OPCML: variants seen among roughly 807,000 people sequenced by gnomAD.
The protein encoded by OPCML is opioid-binding protein/cell adhesion molecule.
In OPCML, 13 loss-of-function variants were observed where a neutral mutation model predicts 37.8. The observed-to-expected ratio is 0.34, with a 90% CI of 0.22 to 0.55. The LOEUF (loss-of-function observed/expected upper bound fraction) is 0.55, where lower values mean the gene tolerates loss of function less well. Ranked by LOEUF, OPCML falls within the 20% of genes least tolerant of loss-of-function variation. The pLI is 0.91. For synonymous variants in OPCML, 176 were observed against 168.8 expected, an observed-to-expected ratio of 1.04 and a Z score of -0.33; for missense variants, 341 against 435.6, an observed-to-expected ratio of 0.78 and a Z score of 1.93.
At chr11:133,479,429 C>A (rs1947326397) in intron 1 of OPCML, among the ~76,000 whole-genome samples, 1 of 152,160 alleles carries the variant, frequency 6.6e-6, no homozygotes, top group African/African-American at 2.4e-5. Flanking sequence ...ATGACCAGAA[C>A]AGATTAAAGG....
intron 1 of OPCML, among the ~76,000 whole-genome samples, chr11:133,326,273 G>T (rs971281449): frequency 8.4e-6 from 1 of 118,448 alleles, no homozygotes; most frequent in Non-Finnish European, 1.6e-5. Flanking sequence ...GTGTGTGTAT[G>T]TGTGTGGGGG....
intron 1 of OPCML, among the ~76,000 whole-genome samples, chr11:133,234,219 T>C (rs894498574): frequency 1.4e-5 from 2 of 142,080 alleles, no homozygotes; most frequent in African/African-American, 5.1e-5. Context: ...TTTTGTTTTC[T>C]AAAAAAAAAA....
intron 1 of OPCML, among the ~76,000 whole-genome samples, chr11:133,112,306 AAAAAGG>A (rs1949267976): frequency 1.4e-5 from 2 of 142,966 alleles, no homozygotes; most frequent in Admixed American, 1.4e-4. Flanking sequence ...AAAAAAAAAA[AAAAAGG>A]GGAAAGAAAC....
chr11:133,361,391 G>C (rs770045387), intron 1 of OPCML: 1 of 152,456 alleles, frequency 6.6e-6, no homozygotes, highest in African/African-American at 2.4e-5. Context: ...GCCCAACGTC[G>C]GGGTCACTGT....
intron 1 of OPCML, among the ~76,000 whole-genome samples, chr11:133,124,116 TGA>T (rs1174941887): frequency 6.6e-6 from 1 of 151,220 alleles, no homozygotes; most frequent in East Asian, 1.9e-4. Flanking sequence ...AGAGTGCAAA[TGA>T]GAGGGGGGAT....
At chr11:132,802,679 G>T (rs1337381026) in intron 2 of OPCML, among the ~76,000 whole-genome samples, 2 of 152,118 alleles carry the variant, frequency 1.3e-5, no homozygotes, top group African/African-American at 2.4e-5. Flanking sequence ...GGCATTAGAT[G>T]TGATTTCAGT....
chr11:133,402,852 G>T (rs1046108091), intron 1 of OPCML, among the ~76,000 whole-genome samples: 1 of 152,120 alleles, frequency 6.6e-6, no homozygotes, highest in African/African-American at 2.4e-5. Context: ...GACCCAAGTC[G>T]CCAAGGCCAA....
chr11:133,189,509 A>G (rs1565493779), intron 1 of OPCML, among the ~76,000 whole-genome samples: 1 of 152,236 alleles, frequency 6.6e-6, no homozygotes, highest in Admixed American at 6.5e-5. Flanking sequence ...TACCTGATAA[A>G]TAAATGTAGT....
At chr11:132,776,584 T>G (rs1347192044) in intron 2 of OPCML, among the ~76,000 whole-genome samples, 1 of 151,894 alleles carries the variant, frequency 6.6e-6, no homozygotes, top group Non-Finnish European at 1.5e-5. Context: ...TCTCTCTCTC[T>G]CGCCCCTGCT....
intron 1 of OPCML, among the ~76,000 whole-genome samples, chr11:133,282,540 C>T (rs982126558): frequency 4.6e-5 from 7 of 152,230 alleles, no homozygotes; most frequent in Non-Finnish European, 1.0e-4. Flanking sequence ...TCACAGAGAA[C>T]CACCACTAGG....
chr11:133,456,261 T>C (rs1946669474), intron 1 of OPCML, among the ~76,000 whole-genome samples: 1 of 152,126 alleles, frequency 6.6e-6, no homozygotes, highest in African/African-American at 2.4e-5. Flanking sequence ...AAGCAGCTAT[T>C]TTTGTGGAGA....
chr11:132,707,204 T>C (rs753672564), intron 2 of OPCML, among the ~76,000 whole-genome samples: 2 of 152,170 alleles, frequency 1.3e-5, no homozygotes, highest in African/African-American at 2.4e-5. Flanking sequence ...ATGCACTGTA[T>C]GAGAGAGAAG....
chr11:133,009,333 A>C, intron 1 of OPCML: 1 of 549,206 alleles, frequency 1.8e-6, no homozygotes, highest in Non-Finnish European at 2.3e-6. Flanking sequence ...CTAGAATAAA[A>C]AAGATGTTCA....
rs1947131845 is a variant in OPCML at position 133,007,311 on chromosome 11, A to T, written c.62-64301T>A. On this transcript the variant is annotated intron_variant, in intron 1 of 7. Coordinates refer to ENST00000524381, the MANE Select transcript of OPCML (RefSeq NM_001012393.5). ...GTTGCAGGATACAGCTCCATCTATA[A>T]ATGACCTCAGCAGAACTCTGGATTG... 4 of 985,284 alleles carry T rather than the reference A, an allele frequency of 4.1e-6. No individual in the cohort carries two copies. In the Admixed American group the frequency reaches 2.5e-4, roughly 61 times the overall value. The allele number at this position is 985,284 out of a possible 1,614,324, so 61.0% of individuals were successfully genotyped here. A position where few individuals can be genotyped will look rare whatever the true frequency, so the allele number is the denominator to read the frequency against.
chr11:133,320,992 G>A (rs1419029960), intron 1 of OPCML, among the ~76,000 whole-genome samples: 1 of 152,100 alleles, frequency 6.6e-6, no homozygotes. Flanking sequence ...ATAAACAGGA[G>A]ACAGCTGGAG....
chr11:133,237,357 T>C (rs982634339), intron 1 of OPCML, among the ~76,000 whole-genome samples: 9 of 152,202 alleles, frequency 5.9e-5, no homozygotes, highest in African/African-American at 1.9e-4. Flanking sequence ...AAGCAAGGGT[T>C]CAGTGAGCAT....
intron 1 of OPCML, among the ~76,000 whole-genome samples, chr11:133,396,214 G>A (rs1314477652): frequency 6.6e-6 from 1 of 151,616 alleles, no homozygotes; most frequent in African/African-American, 2.4e-5. Flanking sequence ...TACTGATTTG[G>A]GGATACTGAT....
At chr11:132,722,567 T>G (rs1944710943) in intron 2 of OPCML, among the ~76,000 whole-genome samples, 1 of 152,114 alleles carries the variant, frequency 6.6e-6, no homozygotes, top group Non-Finnish European at 1.5e-5. Context: ...ACATGTTAAG[T>G]CCACACTCAA....
At chr11:132,454,546 C>T (rs749943080) in intron 4 of OPCML, among the ~76,000 whole-genome samples, 1 of 152,190 alleles carries the variant, frequency 6.6e-6, no homozygotes, top group African/African-American at 2.4e-5. Context: ...CTGCTCACTG[C>T]GACAGCCTCG....
Sources: gnomAD v4.1 joint callset for allele counts (sites outside exome capture counted in the v4.1 genomes callset) on GRCh38, gnomAD v4.1.1 for gene constraint, MANE v1.5 for transcripts, NCBI Gene and HGNC (gene_info 2026-07-23, HGNC 2026-07-21) for gene names.